The following ATG9B variants were observed in gnomAD, a reference collection of about 807,000 sequenced individuals.
ATG9B encodes autophagy-related protein 9B.
A neutral mutation model predicts 92.9 loss-of-function variants in ATG9B; 92 were observed. The observed-to-expected ratio is 0.99, with a 90% confidence interval of 0.84 to 1.18. The LOEUF is 1.18. Among genes scored for constraint, ATG9B ranks in the 50% most tolerant of loss-of-function variants. The probability of loss-of-function intolerance (pLI) is 0.00; values close to 1 mark genes in which losing one functional copy is unlikely to be tolerated. For missense variants in ATG9B, 1,344 were observed against 1,235.0 expected (o/e 1.09, Z -1.32); for synonymous variants, 599 against 551.4 (o/e 1.09, Z -1.21).
In ATG9B at chr7:151,019,290, G is replaced by A; in HGVS notation, c.1048C>T (p.Arg350Trp). ...TGGATGTCCAGCTCCGTCAGGGGCC[G>A]CGGCTGCACGCACAGGCCCCCGCTC... ...QRSGGLCVQP[R>W]PLTELDIHHR... The change falls in exon 6 of 14, where the codon CGG becomes TGG. Residue 350 changes from arginine (R) to tryptophan (W), a missense_variant. Transcript: ENST00000639579. The A allele has an allele frequency of 9.4e-6, 15 of 1,587,524 alleles. No homozygotes were observed. Among genetic ancestry groups the A allele is most frequent in the African/African-American group, 1.3e-5 (1 of 74,658 alleles).
At chr7:151,014,211 C>T (rs754722607), downstream of ATG9B, 6 of 1,559,514 alleles carry the variant, frequency 3.8e-6, no homozygotes, top group Admixed American at 8.9e-5. Context: ...AGAGCGGCTG[C>T]CCGACTCAGG....
At chr7:151,013,666 G>C (rs922296337), downstream of ATG9B, 3 of 1,340,312 alleles carry the variant, frequency 2.2e-6, no homozygotes, top group African/African-American at 4.4e-5. Flanking sequence ...CAGCAGCCCC[G>C]GGCTGCGCCC....
chr7:151,023,688 TTGG>T lies in ATG9B; in HGVS notation c.590_592del (p.Thr197del). 1.2e-6 allele frequency: 2 copies of T among 1,614,038 alleles called. No individual in the cohort carries two copies. The highest frequency in any genetic ancestry group is 2.2e-5 in the South Asian group (2 of 91,088). ...CTGCAGGCCTAGCGCAAAGGATATC[TTGG>T]TGAAGAAACTGTCCAGGTTCTGGAT... On this transcript the variant is annotated inframe_deletion and splice_region_variant, in exon 2 of 14. Transcript: ENST00000639579.
In ATG9B at chr7:151,021,245, G is replaced by C. The variant is rs762325109; in HGVS notation, c.906C>G (p.Asn302Lys). ...WLVQLLRSVC[N>K]LFSYWDIQVF... is the part of the protein sequence containing the mutation. The stretch of plus-strand genomic sequence containing the variant: ...CCTGGATGTCCCAGTAGCTGAAGAG[G>C]TTGCAGACTGAGCGAAGCAGTTGGA... Residue 302 changes from asparagine to lysine, a missense_variant, in exon 5 of 14, where the codon AAC (asparagine) becomes AAG (lysine). Coordinates refer to ENST00000639579, the MANE Select transcript of ATG9B (RefSeq NM_001317056.2). 6.2e-7 allele frequency: 1 copy of C among 1,613,564 alleles called. No homozygotes were observed. Among genetic ancestry groups the C allele is most frequent in the East Asian group, 2.2e-5 (1 of 44,876 alleles).
downstream of ATG9B, chr7:151,012,879 G>A: frequency 2.8e-6 from 1 of 351,044 alleles, no homozygotes; most frequent in Non-Finnish European, 5.2e-6. Context: ...GAAGAGGGCT[G>A]TGACTGGGAG....
At chr7:151,016,663 C>G in intron 10 of ATG9B, 25 bp downstream of exon 10, 1 of 1,556,456 alleles carries the variant, frequency 6.4e-7, no homozygotes. Flanking sequence ...CCACATGCCC[C>G]TGCATCTCAG....
In ATG9B at chr7:151,024,023, G is replaced by C; in HGVS notation, c.401C>G (p.Pro134Arg). 1.3e-6 allele frequency: 2 copies of C among 1,592,734 alleles called. No homozygotes were observed. Among genetic ancestry groups the C allele is most frequent in the Non-Finnish European group, 1.7e-6 (2 of 1,169,676 alleles). ...PATPTPSQQC[P>R]QDSPGLRVGP... ...TACCCGCAGCCCAGGAGAGTCCTGG[G>C]GGCACTGCTGTGAGGGAGTGGGGGT... is the stretch of plus-strand genomic sequence containing the variant. The change falls in exon 1 of 14, where the codon CCC becomes CGC. Residue 134 changes from proline to arginine, a missense_variant. Physicochemically the swap from Pro to Arg is moderately radical, Grantham distance 103 (BLOSUM62 -2). Transcript: ENST00000639579.
At chr7:151,019,993 GAAACA>G (rs1158941318) in intron 5 of ATG9B, 1 of 152,198 alleles carries the variant, frequency 6.6e-6, no homozygotes, top group Non-Finnish European at 1.5e-5. Context: ...TGTCTCAAAA[GAAACA>G]AAACAAACAA....
rs1409243669 is a variant in ATG9B at position 151,015,158 on chromosome 7, G to C, written c.*570C>G. ...ACAAGAGTCACAGAGATGTGCAACA[G>C]CCATGAGCAAGCTTTACTGCTTATT... is the stretch of plus-strand genomic sequence containing the variant. On this transcript the variant is annotated 3_prime_UTR_variant, in exon 14 of 14. Transcript: ENST00000639579. The C allele has an allele frequency of 6.6e-6, 1 of 152,206 alleles. No individual in the cohort carries two copies. Among genetic ancestry groups the C allele is most frequent in the East Asian group, 1.9e-4 (1 of 5,194 alleles). 9.4% of individuals were successfully genotyped at this position (152,206 alleles called of 1,614,324 possible).
downstream of ATG9B, chr7:151,012,449 GGCT>G (rs1563234067): frequency 6.2e-7 from 1 of 1,611,918 alleles, no homozygotes; most frequent in Non-Finnish European, 8.5e-7. Context: ...TGGCAGGAGC[GGCT>G]GCATGACATT....
Position 151,016,144 on chromosome 7 carries a change from G to C in ATG9B, c.2612C>G (p.Ser871Trp). The part of the protein sequence containing the change: ...RPCSSPSQPP[S>W]PDEEKPSWSS... ...CCAGGATGGCTTCTCCTCATCAGGC[G>C]AGGGTGGCTGTGAGGGGCTGGAGCA... The change falls in exon 12 of 14, where the codon TCG (serine) becomes TGG (tryptophan). Residue 871 changes from serine (S) to tryptophan (W), a missense_variant. Ser to Trp is a radical substitution (Grantham distance 177). Transcript: ENST00000639579. 3 of 1,540,868 alleles carry C rather than the reference G, an allele frequency of 1.9e-6. No individual in the cohort carries two copies. The highest frequency in any genetic ancestry group is 2.6e-6 in the Non-Finnish European group (3 of 1,140,592).
downstream of ATG9B, chr7:151,013,501 C>T (rs1795354883): frequency 3.1e-6 from 4 of 1,295,916 alleles, no homozygotes; most frequent in Admixed American, 9.7e-5. Context: ...CTCAGCCACC[C>T]CTGCACACTC....
In ATG9B at chr7:151,022,933, C is replaced by T. The variant is rs1174793866; in HGVS notation, c.821+112G>A. ...TTAAGTGTATTTTTGGTCCTAAGAC[C>T]AAAAGCTTTGAGAACTGCTGATCTA... On this transcript the variant is annotated intron_variant, in intron 4 of 13. Coordinates refer to ENST00000639579, the MANE Select transcript of ATG9B (RefSeq NM_001317056.2). 4 of 1,440,972 alleles carry T rather than the reference C, an allele frequency of 2.8e-6. No individual in the cohort carries two copies. The Admixed American group carries it at 8.0e-5, about 29-fold the overall frequency. 89.3% of individuals were successfully genotyped at this position (1,440,972 alleles called of 1,614,324 possible). A position where few individuals can be genotyped will look rare whatever the true frequency, so the allele number is the denominator to read the frequency against.
downstream of ATG9B, chr7:151,014,454 A>T: frequency 2.2e-6 from 1 of 453,382 alleles, no homozygotes; most frequent in Non-Finnish European, 3.9e-6. Flanking sequence ...GTCGAATGTT[A>T]GATTCCTCTT....
At chr7:151,017,378 A>C in intron 8 of ATG9B, 106 bp from the exon 9 acceptor site, 1 of 1,113,046 alleles carries the variant, frequency 9.0e-7, no homozygotes, top group Non-Finnish European at 1.3e-6. Context: ...ACAGACCACA[A>C]TGGGGACTTG....
rs374923895 is a variant in ATG9B, at chr7:151,024,214, G to A, written c.210C>T (p.Thr70=). 66 of 1,488,210 alleles carry A rather than the reference G, an allele frequency of 4.4e-5. No individual in the cohort carries two copies. Among genetic ancestry groups the A allele is most frequent in the Admixed American group, 2.4e-4 (10 of 42,388 alleles). The allele number at this position is 1,488,210 out of a possible 1,614,324, so 92.2% of individuals were successfully genotyped here. A position where few individuals can be genotyped will look rare whatever the true frequency, so the allele number is the denominator to read the frequency against. The change falls in exon 1 of 14, where the codon ACC becomes ACT. Residue 70 remains threonine (T), a synonymous_variant. Coordinates refer to ENST00000639579, the MANE Select transcript of ATG9B (RefSeq NM_001317056.2). ...RSSPSSFSPP[T]AGPPCSVLQG... is the part of the protein sequence containing the mutation. ...GTAGCACTGAGCAAGGGGGCCCTGC[G>A]GTGGGAGGGGAAAATGAGGAGGGGG...
chr7:151,016,408 C>T lies in ATG9B; in HGVS notation c.2520+23G>A, dbSNP rs1375416839. The T allele has an allele frequency of 1.9e-6, 3 of 1,548,718 alleles. No homozygotes were observed. The Admixed American group carries it at 5.9e-5, about 30-fold the overall frequency. ...TCACCTGCCTTCTCTCCACATTTCTCCTTTGGGCACCCCTCTACTCACCTG... is the reference window on the plus strand; with the variant it reads ...TCACCTGCCTTCTCTCCACATTTCTTCTTTGGGCACCCCTCTACTCACCTG... On this transcript the variant is annotated intron_variant, in intron 11 of 13. Coordinates refer to ENST00000639579, the MANE Select transcript of ATG9B (RefSeq NM_001317056.2).
Position 151,018,899 on chromosome 7 carries a change from CCG to C in ATG9B, c.1437_1438del (p.Gly480LeufsTer212). 1 of 1,466,920 alleles carries C rather than the reference CCG, an allele frequency of 6.8e-7. No individual in the cohort carries two copies. The highest frequency in any genetic ancestry group is 8.9e-7 in the Non-Finnish European group (1 of 1,118,152). 90.9% of individuals were successfully genotyped at this position (1,466,920 alleles called of 1,614,324 possible). On this transcript the variant is annotated frameshift_variant, in exon 6 of 14. Transcript: ENST00000639579. LOFTEE classifies it high-confidence loss of function. The surrounding 1 kb of genome is among the most constrained non-coding windows in gnomAD (Gnocchi z 4.7). ...CTGCAAGCGCGCCAGGCGGGACCAG[CCG>C]CGCGCCCCCAGCGCGCCAGGCTCGC... is the stretch of plus-strand genomic sequence containing the variant.
chr7:151,018,303 C>G lies in ATG9B; in HGVS notation c.1863G>C (p.Gln621His). Reference sequence around the variant, plus strand: ...TCGCGCCCACCCTCACCGCTCGGTACTGCAGCAGCTGCGCCATCTGCCGGT... The same window carrying G: ...TCGCGCCCACCCTCACCGCTCGGTAGTGCAGCAGCTGCGCCATCTGCCGGT... ...RAYRQMAQLLQYRAVSLLEEL... is the reference protein window; with the variant it reads ...RAYRQMAQLLHYRAVSLLEEL... Residue 621 changes from glutamine (Q) to histidine (H), a missense_variant, in exon 7 of 14, where the codon CAG (glutamine) becomes CAC (histidine). By Grantham distance (24) the Gln-to-His change is conservative. Coordinates refer to ENST00000639579, the MANE Select transcript of ATG9B (RefSeq NM_001317056.2). This position sits in a 1 kb window ranked among gnomAD's most constrained non-coding sequence, Gnocchi z 4.7. 6.4e-7 allele frequency: 1 copy of G among 1,570,006 alleles called. No homozygotes were observed. The highest frequency in any genetic ancestry group is 1.9e-5 in the Admixed American group (1 of 53,462).
Sources: allele counts gnomAD v4.1 joint callset, GRCh38; gene constraint gnomAD v4.1.1; non-coding constraint Gnocchi (gnomAD v3.1); transcripts MANE v1.5; gene names NCBI Gene and HGNC (gene_info 2026-07-23, HGNC 2026-07-21).